The following CSMD1 variants were observed in gnomAD, a reference collection of about 807,000 sequenced individuals.
CSMD1 encodes the protein CUB and sushi domain-containing protein 1.
CSMD1 carries 213 observed loss-of-function variants against 417.5 expected under a neutral mutation model. That is an observed-to-expected ratio of 0.51 (90% CI 0.46 to 0.57). CSMD1 has a LOEUF of 0.57. Among genes scored for constraint, CSMD1 ranks in the 20% least tolerant of loss-of-function variants. The pLI is 0.00. For missense variants in CSMD1, 6,923 were observed against 4,529.7 expected, an observed-to-expected ratio of 1.53 and a Z score of -15.17; for synonymous variants, 2,862 against 1,736.8, an observed-to-expected ratio of 1.65 and a Z score of -16.11.
At chr8:4,964,809 A>C (rs182132037) in intron 1 of CSMD1, among the ~76,000 whole-genome samples, 279 of 152,248 alleles carry the variant, frequency 1.8e-3, no homozygotes, top group African/African-American at 6.4e-3. Flanking sequence ...GTCGTTGTCC[A>C]CCTGTTGTGC....
At chr8:4,406,939 T>A (rs1171781673) in intron 3 of CSMD1, among the ~76,000 whole-genome samples, 1 of 152,188 alleles carries the variant, frequency 6.6e-6, no homozygotes, top group Non-Finnish European at 1.5e-5. Flanking sequence ...CCAAGCTGAC[T>A]TAAAAGGGAA....
intron 27 of CSMD1, among the ~76,000 whole-genome samples, chr8:3,224,471 C>G (rs77787068): frequency 0.019 from 2,867 of 152,194 alleles, 98 homozygotes; most frequent in African/African-American, 0.064. Context: ...CTCCCAGTCC[C>G]CTGGTGTATG....
intron 26 of CSMD1, among the ~76,000 whole-genome samples, chr8:3,269,073 G>C (rs1429942177): frequency 6.6e-6 from 1 of 152,172 alleles, no homozygotes; most frequent in Admixed American, 6.5e-5. Flanking sequence ...ATGAATCAGA[G>C]CTAAAATCCT....
At chr8:4,210,848 A>G (rs1327865901) in intron 3 of CSMD1, among the ~76,000 whole-genome samples, 1 of 152,158 alleles carries the variant, frequency 6.6e-6, no homozygotes, top group African/African-American at 2.4e-5. Context: ...CTCGGGAAAG[A>G]AATGTTTCAC....
At chr8:3,969,045 G>T (rs188959257) in intron 5 of CSMD1, among the ~76,000 whole-genome samples, 125 of 152,272 alleles carry the variant, frequency 8.2e-4, no homozygotes, top group African/African-American at 2.7e-3. Flanking sequence ...GAGTTCAGGA[G>T]TTCGAGACCA....
rs191666844 is a variant in CSMD1 at position 4,269,539 on chromosome 8, G to T, written c.415+150414C>A. 1.1e-4 allele frequency among the ~76,000 whole-genome samples: 17 copies of T among 152,166 alleles called. No individual in the cohort carries two copies. The South Asian group carries it at 1.5e-3, about 13-fold the overall frequency. ...TCTAACTAAAAGCCCTCAATATATC[G>T]CATTCATCTGGTAGCTTTTTTCCTT... On this transcript the variant is annotated intron_variant, in intron 3 of 69. Coordinates refer to ENST00000635120, the MANE Select transcript of CSMD1 (RefSeq NM_033225.6).
chr8:3,090,812 C>T (rs960931224), intron 48 of CSMD1, among the ~76,000 whole-genome samples: 1 of 152,178 alleles, frequency 6.6e-6, no homozygotes, highest in African/African-American at 2.4e-5. Flanking sequence ...AATTAAGAGT[C>T]TGCCTACTGC....
chr8:3,370,234 T>C (rs1809863083), intron 18 of CSMD1, among the ~76,000 whole-genome samples: 1 of 152,208 alleles, frequency 6.6e-6, no homozygotes, highest in African/African-American at 2.4e-5. Context: ...TTCTTTTATT[T>C]CATATCTTAA....
chr8:3,240,705 T>C (rs969530065), intron 26 of CSMD1, among the ~76,000 whole-genome samples: 6 of 152,022 alleles, frequency 3.9e-5, no homozygotes, highest in Non-Finnish European at 7.4e-5. Context: ...GTTTGAGATC[T>C]AGAACAGAAT....
At chr8:3,419,211 G>C (rs951663921) in intron 12 of CSMD1, among the ~76,000 whole-genome samples, 6 of 152,180 alleles carry the variant, frequency 3.9e-5, no homozygotes, top group African/African-American at 1.2e-4. Flanking sequence ...GAGCACCTAA[G>C]TGGTCATCCT....
At chr8:3,876,584 T>C (rs181532468) in intron 5 of CSMD1, among the ~76,000 whole-genome samples, 5 of 152,220 alleles carry the variant, frequency 3.3e-5, no homozygotes, top group African/African-American at 9.7e-5. Flanking sequence ...TACTGGCTTT[T>C]TATCATGCTT....
At chr8:4,869,874 A>G (rs996196514) in intron 1 of CSMD1, among the ~76,000 whole-genome samples, 10 of 152,024 alleles carry the variant, frequency 6.6e-5, no homozygotes, top group Non-Finnish European at 1.2e-4. Context: ...TCTTTTTTCA[A>G]TGAAAAGAAG....
At chr8:3,575,519 G>C (rs1490129231) in intron 9 of CSMD1, among the ~76,000 whole-genome samples, 5 of 152,120 alleles carry the variant, frequency 3.3e-5, no homozygotes, top group African/African-American at 1.2e-4. Context: ...TCTCAGCTAC[G>C]TCTTACACTG....
chr8:3,615,093 G>C (rs1466941418), intron 8 of CSMD1, among the ~76,000 whole-genome samples: 2 of 152,144 alleles, frequency 1.3e-5, no homozygotes, highest in Non-Finnish European at 2.9e-5. Context: ...TTTCTAATAT[G>C]ATACTGGAAA....
chr8:3,534,684 A>G (rs1193480513), intron 10 of CSMD1, among the ~76,000 whole-genome samples: 1 of 152,218 alleles, frequency 6.6e-6, no homozygotes, highest in Non-Finnish European at 1.5e-5. Context: ...ACCATTGTGT[A>G]CATCCTTTTT....
At chr8:4,040,900 A>C (rs1052624401) in intron 3 of CSMD1, among the ~76,000 whole-genome samples, 1 of 152,214 alleles carries the variant, frequency 6.6e-6, no homozygotes, top group Non-Finnish European at 1.5e-5. Flanking sequence ...GGCTCTTGAG[A>C]AGCATCATGA....
At chr8:3,167,576 A>C (rs1192868748) in intron 37 of CSMD1, among the ~76,000 whole-genome samples, 1 of 152,334 alleles carries the variant, frequency 6.6e-6, no homozygotes, top group East Asian at 1.9e-4. Context: ...TTCAATTCCA[A>C]TGTTAAAATT....
At chr8:3,605,793 A>T (rs911883254) in intron 8 of CSMD1, among the ~76,000 whole-genome samples, 6 of 152,224 alleles carry the variant, frequency 3.9e-5, no homozygotes, top group African/African-American at 1.4e-4. Context: ...GCACTCTTTC[A>T]ACCCCCAAAT....
chr8:3,042,525 C>CCT (rs61509511), intron 50 of CSMD1, among the ~76,000 whole-genome samples: 10,063 of 152,146 alleles, frequency 0.066, 1,083 homozygotes, highest in African/African-American at 0.23. Flanking sequence ...ACGGGAATCC[C>CCT]GTCGAAGCAC....
Sources: gnomAD v4.1 joint callset for allele counts (sites outside exome capture counted in the v4.1 genomes callset) on GRCh38, gnomAD v4.1.1 for gene constraint, MANE v1.5 for transcripts, NCBI Gene and HGNC (gene_info 2026-07-23, HGNC 2026-07-21) for gene names.